AIG1: variants seen among roughly 807,000 people sequenced by gnomAD.
AIG1 encodes androgen induced 1.
AIG1 carries 23 observed loss-of-function variants against 31.4 expected under a neutral mutation model. The ratio of observed to expected loss-of-function variants is 0.73; its 90% CI spans 0.53 to 1.04. The LOEUF (loss-of-function observed/expected upper bound fraction) is 1.04. AIG1 is among the 50% of genes least tolerant of loss of function. AIG1 has a pLI of 0.00. For missense variants in AIG1, 274 were observed against 295.0 expected (o/e 0.93, Z 0.52); for synonymous variants, 100 against 110.5 (o/e 0.90, Z 0.60).
In AIG1 at chr6:143,253,083, G is replaced by A. The variant is rs551539589; in HGVS notation, c.400-31027G>A. Among the ~76,000 whole-genome samples, 134 of 152,298 alleles carry A rather than the reference G, an allele frequency of 8.8e-4. 1 individual carries two copies. Among genetic ancestry groups the A allele is most frequent in the African/African-American group, 3.2e-3 (132 of 41,546 alleles). ...TCATTTCTAGCCTAAATGTAGAAGC[G>A]ACATCCTATCACTTTCACAATGTTC... is the stretch of plus-strand genomic sequence containing the variant. On this transcript the variant is annotated intron_variant, in intron 3 of 5. Coordinates refer to ENST00000357847, the MANE Select transcript of AIG1 (RefSeq NM_016108.4).
chr6:143,267,954 C>T (rs1796265198), intron 3 of AIG1, among the ~76,000 whole-genome samples: 1 of 152,146 alleles, frequency 6.6e-6, no homozygotes, highest in African/African-American at 2.4e-5. Context: ...AAAAATGTGC[C>T]TCTACCCAGG....
At chr6:143,270,853 G>A (rs1037539232) in intron 3 of AIG1, among the ~76,000 whole-genome samples, 4 of 152,198 alleles carry the variant, frequency 2.6e-5, no homozygotes, top group Non-Finnish European at 4.4e-5. Context: ...GTGTGTGCAT[G>A]GATGAGTGTG....
intron 1 of AIG1, among the ~76,000 whole-genome samples, chr6:143,116,341 G>A (rs1288205973): frequency 6.6e-6 from 1 of 152,132 alleles, no homozygotes; most frequent in Non-Finnish European, 1.5e-5. Flanking sequence ...GATGGGTTGG[G>A]CAGGGAAGGC....
chr6:143,128,022 G>A (rs767597895), intron 1 of AIG1, among the ~76,000 whole-genome samples: 10 of 152,122 alleles, frequency 6.6e-5, no homozygotes, highest in Non-Finnish European at 1.0e-4. Flanking sequence ...TGAAGATGAT[G>A]TAATGGGATG....
chr6:143,312,509 T>C (rs967283707), intron 4 of AIG1, among the ~76,000 whole-genome samples: 1 of 151,978 alleles, frequency 6.6e-6, no homozygotes, highest in Non-Finnish European at 1.5e-5. Context: ...TATCCATATG[T>C]ACAAGAATGA....
rs1777098420 is a variant in AIG1 at position 143,331,822 on chromosome 6, A to G, written c.516-1460A>G. Among the ~76,000 whole-genome samples, 1 of 150,130 alleles carries G rather than the reference A, an allele frequency of 6.7e-6. No homozygotes were observed. The highest frequency in any genetic ancestry group is 2.4e-5 in the African/African-American group (1 of 40,876). On this transcript the variant is annotated intron_variant, in intron 4 of 5. Transcript: ENST00000357847. This position sits in a 1 kb window ranked among gnomAD's most constrained non-coding sequence, Gnocchi z 4.1. ...ATAGATCCCCAGGTTTCCTGCCAAA[A>G]ATGAGGTACATGTGTAGGTAATGTT...
chr6:143,072,546 CTT>C (rs1418816947), intron 1 of AIG1, among the ~76,000 whole-genome samples: 1 of 151,802 alleles, frequency 6.6e-6, no homozygotes, highest in Non-Finnish European at 1.5e-5. Flanking sequence ...AACATGTAGT[CTT>C]TTGCAATTAA....
At chr6:143,216,735 G>C (rs76287458) in intron 3 of AIG1, among the ~76,000 whole-genome samples, 6,162 of 152,228 alleles carry the variant, frequency 0.04, 376 homozygotes, top group African/African-American at 0.14. Flanking sequence ...TGTATTGAGA[G>C]AGATTATGTG....
At chr6:143,167,309 T>C (rs1016037351) in intron 3 of AIG1, among the ~76,000 whole-genome samples, 3 of 152,116 alleles carry the variant, frequency 2.0e-5, no homozygotes, top group African/African-American at 7.2e-5. Context: ...TGAGGAAGAG[T>C]AATATCACCT....
Position 143,258,717 on chromosome 6 carries a change from T to C in AIG1, c.400-25393T>C, listed in dbSNP as rs1795534259. The stretch of plus-strand genomic sequence containing the variant: ...ACTTGAAAATAATTTGAGGAACAAT[T>C]GTGAAAAAAGTCTTATATTCTAGAC... On this transcript the variant is annotated intron_variant, in intron 3 of 5. Coordinates refer to ENST00000357847, the MANE Select transcript of AIG1 (RefSeq NM_016108.4). This position sits in a 1 kb window ranked among gnomAD's most constrained non-coding sequence, Gnocchi z 4.7. Among the ~76,000 whole-genome samples the C allele has an allele frequency of 6.6e-6, 1 of 151,934 alleles. No homozygotes were observed. The highest frequency in any genetic ancestry group is 1.5e-5 in the Non-Finnish European group (1 of 68,016).
chr6:143,060,849 C>T (rs1583026801), upstream of AIG1: 6 of 1,010,048 alleles, frequency 5.9e-6, no homozygotes, highest in East Asian at 1.4e-4. Context: ...GTTCCCACGG[C>T]GCCCGCCCCC....
chr6:143,308,295 G>T (rs556134396), intron 4 of AIG1, among the ~76,000 whole-genome samples: 20 of 152,226 alleles, frequency 1.3e-4, no homozygotes, highest in Non-Finnish European at 2.9e-4. Context: ...CCCGTCTTCT[G>T]CATCGCTCAC....
chr6:143,191,195 C>G (rs1477386294), intron 3 of AIG1, among the ~76,000 whole-genome samples: 1 of 152,066 alleles, frequency 6.6e-6, no homozygotes, highest in Non-Finnish European at 1.5e-5. Context: ...ACACTTAACT[C>G]TAATGGGTTA....
In AIG1 at chr6:143,284,376, T is replaced by C. The variant is rs1053483083; in HGVS notation, c.515+151T>C. The stretch of plus-strand genomic sequence containing the variant: ...CTGGGCTTTGTCTCGTTTCCCCAGA[T>C]GCTTATATTTTTAGAAAGTATATGC... On this transcript the variant is annotated intron_variant, in intron 4 of 5. Coordinates refer to ENST00000357847, the MANE Select transcript of AIG1 (RefSeq NM_016108.4). The surrounding 1 kb of genome is among the most constrained non-coding windows in gnomAD (Gnocchi z 4.4). 9.9e-5 allele frequency: 57 copies of C among 578,288 alleles called. No individual in the cohort carries two copies. Among genetic ancestry groups the C allele is most frequent in the Non-Finnish European group, 1.5e-5 (5 of 327,258 alleles). The allele number at this position is 578,288 out of a possible 1,614,324, so 35.8% of individuals were successfully genotyped here. A position where few individuals can be genotyped will look rare whatever the true frequency, so the allele number is the denominator to read the frequency against.
intron 3 of AIG1, among the ~76,000 whole-genome samples, chr6:143,192,158 C>G (rs375491270): frequency 6.6e-6 from 1 of 152,118 alleles, no homozygotes; most frequent in African/African-American, 2.4e-5. Flanking sequence ...TGAGGATGTT[C>G]AAGACATCTA....
At chr6:143,337,276 T>C (rs1777567615) in intron 5 of AIG1, among the ~76,000 whole-genome samples, 2 of 152,268 alleles carry the variant, frequency 1.3e-5, no homozygotes, top group African/African-American at 4.8e-5. Flanking sequence ...ATGCAAGTCA[T>C]GGGGGTCCAA....
chr6:143,142,896 T>C (rs867265255), intron 2 of AIG1, among the ~76,000 whole-genome samples: 3 of 152,212 alleles, frequency 2.0e-5, no homozygotes, highest in Non-Finnish European at 2.9e-5. Flanking sequence ...TATATTGCTA[T>C]TGTTTTAAAC....
intron 4 of AIG1, among the ~76,000 whole-genome samples, chr6:143,318,638 T>C (rs1775954912): frequency 6.6e-6 from 1 of 151,416 alleles, no homozygotes; most frequent in Non-Finnish European, 1.5e-5. Context: ...AGATGAAACT[T>C]AAACTGAAAA....
chr6:143,200,021 GAT>G (rs1012114258), intron 3 of AIG1, among the ~76,000 whole-genome samples: 4 of 152,184 alleles, frequency 2.6e-5, no homozygotes, highest in African/African-American at 9.7e-5. Context: ...AGGAAAGAAT[GAT>G]ATGGTTTTGA....
Sources: allele counts gnomAD v4.1 joint callset (sites outside exome capture counted in the v4.1 genomes callset), GRCh38; gene constraint gnomAD v4.1.1; non-coding constraint Gnocchi (gnomAD v3.1); transcripts MANE v1.5; gene names NCBI Gene and HGNC (gene_info 2026-07-23, HGNC 2026-07-21).